ARB2A: variants seen among roughly 807,000 people sequenced by gnomAD.
ARB2A encodes the protein ARB2 cotranscriptional regulator A.
the ARB2A span, among the ~76,000 whole-genome samples, chr5:93,777,802 T>G: frequency 2.3e-3 from 345 of 152,280 alleles, 16 homozygotes; most frequent in East Asian, 0.058. Context: ...GTCAGCTGTG[T>G]TGCAGTGAGG....
At chr5:93,712,136 C>T in the ARB2A span, among the ~76,000 whole-genome samples, 1 of 152,126 alleles carries the variant, frequency 6.6e-6, no homozygotes, top group East Asian at 1.9e-4. Context: ...CGGATCCATC[C>T]ACAGAGTCTT....
At chr5:93,835,066 G>T in the ARB2A span, among the ~76,000 whole-genome samples, 1 of 152,256 alleles carries the variant, frequency 6.6e-6, no homozygotes. Flanking sequence ...TTTGCTGGTG[G>T]CAGAGTGCAT....
chr5:93,835,732 A>C, the ARB2A span, among the ~76,000 whole-genome samples: 23 of 152,332 alleles, frequency 1.5e-4, no homozygotes, highest in African/African-American at 5.3e-4. Flanking sequence ...GTATGTGTAC[A>C]TACACACACA....
chr5:94,081,682 C>T, the ARB2A span, among the ~76,000 whole-genome samples: 1 of 152,008 alleles, frequency 6.6e-6, no homozygotes, highest in Admixed American at 6.6e-5. Flanking sequence ...TAATAGTTTT[C>T]AGGAGTCGGG....
the ARB2A span, among the ~76,000 whole-genome samples, chr5:93,813,093 T>G: frequency 6.6e-6 from 1 of 152,306 alleles, no homozygotes; most frequent in African/African-American, 2.4e-5. Flanking sequence ...TTAGGACTTC[T>G]CAGTCTCCAG....
chr5:93,931,261 T>C, the ARB2A span, among the ~76,000 whole-genome samples: 1 of 152,074 alleles, frequency 6.6e-6, no homozygotes. Flanking sequence ...AGGTCAGCAG[T>C]TTGAGACCAG....
the ARB2A span, among the ~76,000 whole-genome samples, chr5:94,082,794 C>A: frequency 4.0e-5 from 6 of 151,890 alleles, no homozygotes; most frequent in Admixed American, 3.9e-4. Flanking sequence ...TCCTCACATG[C>A]TGAGACCAGC....
At chr5:94,026,277 G>A in the ARB2A span, among the ~76,000 whole-genome samples, 1 of 152,038 alleles carries the variant, frequency 6.6e-6, no homozygotes, top group Non-Finnish European at 1.5e-5. Flanking sequence ...GTATGGGGTG[G>A]CTGCCCTCTG....
At chr5:93,862,376 C>T in the ARB2A span, 2 of 152,128 alleles carry the variant, frequency 1.3e-5, no homozygotes, top group Admixed American at 1.3e-4. Flanking sequence ...CTTCTGTAAA[C>T]AGAAAAATGA....
the ARB2A span, among the ~76,000 whole-genome samples, chr5:94,002,869 C>T: frequency 6.6e-6 from 1 of 151,992 alleles, no homozygotes; most frequent in African/African-American, 2.4e-5. Context: ...TAAACATACA[C>T]TCATAAAGCG....
chr5:94,097,689 T>C, the ARB2A span, among the ~76,000 whole-genome samples: 4 of 152,148 alleles, frequency 2.6e-5, no homozygotes, highest in South Asian at 4.1e-4. Flanking sequence ...CTTTAGTAAA[T>C]TGCCCAGTCT....
chr5:93,732,601 C>A, the ARB2A span, among the ~76,000 whole-genome samples: 7 of 151,314 alleles, frequency 4.6e-5, no homozygotes, highest in South Asian at 1.5e-3. Context: ...AAAAAAAAAC[C>A]CAAACCTTAA....
At chr5:94,000,349 G>A in the ARB2A span, among the ~76,000 whole-genome samples, 1 of 151,926 alleles carries the variant, frequency 6.6e-6, no homozygotes, top group African/African-American at 2.4e-5. Flanking sequence ...TTGGATTTTG[G>A]CCATTCTAAT....
the ARB2A span, among the ~76,000 whole-genome samples, chr5:94,107,668 C>G: frequency 1.3e-5 from 2 of 152,074 alleles, no homozygotes; most frequent in African/African-American, 2.4e-5. Context: ...AAATTATACA[C>G]TCAAATTACT....
chr5:93,975,377 C>A, the ARB2A span, among the ~76,000 whole-genome samples: 2 of 149,310 alleles, frequency 1.3e-5, no homozygotes, highest in African/African-American at 4.9e-5. Flanking sequence ...TATCCTTGCA[C>A]CTAAGGGAAC....
chr5:93,983,324 A>C, the ARB2A span, among the ~76,000 whole-genome samples: 1 of 152,046 alleles, frequency 6.6e-6, no homozygotes, highest in African/African-American at 2.4e-5. Flanking sequence ...TAAATCTAAA[A>C]AGTATTTTTT....
the ARB2A span, chr5:94,055,687 A>T: frequency 3.0e-6 from 3 of 985,336 alleles, no homozygotes; most frequent in Non-Finnish European, 3.6e-6. Flanking sequence ...CAAAATAAAG[A>T]CAGAAGGGTT....
chr5:93,951,942 G>A, the ARB2A span, among the ~76,000 whole-genome samples: 1 of 152,182 alleles, frequency 6.6e-6, no homozygotes, highest in African/African-American at 2.4e-5. Context: ...CCTGGAAGGT[G>A]TTGCAACTTC....
At chr5:93,765,718 C>T in the ARB2A span, among the ~76,000 whole-genome samples, 1 of 152,082 alleles carries the variant, frequency 6.6e-6, no homozygotes, top group Non-Finnish European at 1.5e-5. Flanking sequence ...AAAAAAGAGC[C>T]CACATTGCCA....
Sources: allele counts gnomAD v4.1 joint callset (sites outside exome capture counted in the v4.1 genomes callset), GRCh38; gene constraint gnomAD v4.1.1; transcripts MANE v1.5; gene names NCBI Gene and HGNC (gene_info 2026-07-23, HGNC 2026-07-21).